Variants in CAMKMT observed in about 807,000 individuals in gnomAD.
The protein encoded by CAMKMT is calmodulin-lysine N-methyltransferase, also known as CaM KMT.
In CAMKMT, 53 loss-of-function variants were observed where a neutral mutation model predicts 48.0. The ratio of observed to expected loss-of-function variants is 1.10; its 90% CI spans 0.89 to 1.39. The LOEUF is 1.39. CAMKMT is among the 40% of genes most tolerant of loss of function. The pLI is 0.00. For missense variants in CAMKMT, 428 were observed against 402.7 expected (o/e 1.06, Z -0.54); for synonymous variants, 165 against 152.3 (o/e 1.08, Z -0.61).
At chr2:44,654,583 G>C (rs976834056) in intron 3 of CAMKMT, among the ~76,000 whole-genome samples, 1 of 152,108 alleles carries the variant, frequency 6.6e-6, no homozygotes, top group Non-Finnish European at 1.5e-5. Context: ...CATGATCTTG[G>C]CTCACTGCAA....
At chr2:44,711,594 G>A (rs1292807459) in intron 6 of CAMKMT, among the ~76,000 whole-genome samples, 1 of 152,174 alleles carries the variant, frequency 6.6e-6, no homozygotes, top group Non-Finnish European at 1.5e-5. Flanking sequence ...GGGATTACAG[G>A]CGTGAGCCAC....
chr2:44,630,551 G>GA (rs1286741164), intron 3 of CAMKMT, among the ~76,000 whole-genome samples: 5 of 150,906 alleles, frequency 3.3e-5, no homozygotes, highest in Non-Finnish European at 5.9e-5. Context: ...AATTTACAAG[G>GA]AAAAAACAAA....
At position 44,538,944 on chromosome 2, in the gene CAMKMT, TTCTGTGTGTGTG is replaced by T. The variant is rs1379302008; in HGVS notation, c.376+148653_376+148664del. Among the ~76,000 whole-genome samples, 44 of 138,538 alleles carry T rather than the reference TTCTGTGTGTGTG, an allele frequency of 3.2e-4. No homozygotes were observed. In the Admixed American group the frequency reaches 3.3e-3, roughly 10 times the overall value. The allele number at this position is 138,538 out of a possible 152,430, so 90.9% of individuals were successfully genotyped here. On this transcript the variant is annotated intron_variant, in intron 3 of 10. Coordinates refer to ENST00000378494, the MANE Select transcript of CAMKMT (RefSeq NM_024766.5). ...CATCTACACTTTTCTTTCTCTCTCTTTCTGTGTGTGTGTCTGTGTGTGTGTGTGTGTGTGTGT... is the reference window on the plus strand; with the variant it reads ...CATCTACACTTTTCTTTCTCTCTCTTTCTGTGTGTGTGTGTGTGTGTGTGT...
At chr2:44,538,948 GTGTGTGTGTC>G (rs979290443) in intron 3 of CAMKMT, among the ~76,000 whole-genome samples, 1 of 122,824 alleles carries the variant, frequency 8.1e-6, no homozygotes, top group Non-Finnish European at 1.6e-5. Context: ...CTCTCTTTCT[GTGTGTGTGTC>G]TGTGTGTGTG....
intron 3 of CAMKMT, among the ~76,000 whole-genome samples, chr2:44,592,256 T>A (rs147246770): frequency 1.1e-3 from 163 of 151,728 alleles, no homozygotes; most frequent in African/African-American, 3.6e-3. Context: ...TCATTTTTTT[T>A]ATGGGTACTG....
intron 3 of CAMKMT, among the ~76,000 whole-genome samples, chr2:44,494,023 A>T (rs1669638683): frequency 6.6e-6 from 1 of 152,224 alleles, no homozygotes; most frequent in South Asian, 2.1e-4. Flanking sequence ...TTTTATATAA[A>T]CTTCAAACAA....
intron 3 of CAMKMT, among the ~76,000 whole-genome samples, chr2:44,518,526 CTT>C (rs978419656): frequency 2.0e-5 from 3 of 152,186 alleles, no homozygotes; most frequent in Admixed American, 1.3e-4. Context: ...TAAAAATAGA[CTT>C]TTGAAAAATT....
intron 3 of CAMKMT, chr2:44,456,437 C>T: frequency 2.6e-6 from 3 of 1,172,074 alleles, no homozygotes; most frequent in Non-Finnish European, 3.5e-6. Context: ...GCCCTCTTAC[C>T]CTCTATTTCT....
chr2:44,701,930 T>G (rs535084469), intron 3 of CAMKMT, among the ~76,000 whole-genome samples: 1 of 152,302 alleles, frequency 6.6e-6, no homozygotes, highest in African/African-American at 2.4e-5. Flanking sequence ...GTCCAAAATG[T>G]TAACAGTGAT....
chr2:44,667,033 T>C (rs2104107671), intron 3 of CAMKMT, among the ~76,000 whole-genome samples: 1 of 152,332 alleles, frequency 6.6e-6, no homozygotes, highest in South Asian at 2.1e-4. Context: ...AATCTAAAGA[T>C]ATAGCCATAC....
intron 3 of CAMKMT, among the ~76,000 whole-genome samples, chr2:44,453,303 G>A (rs1041355010): frequency 5.3e-5 from 8 of 151,990 alleles, no homozygotes; most frequent in African/African-American, 1.9e-4. Context: ...TTGTACTAGT[G>A]AGTCATAAAT....
intron 2 of CAMKMT, among the ~76,000 whole-genome samples, chr2:44,380,614 C>A (rs1228505094): frequency 1.3e-5 from 2 of 152,284 alleles, no homozygotes; most frequent in East Asian, 3.9e-4. Context: ...AGTAACCAAA[C>A]TGAATCTTTG....
At chr2:44,367,749 A>G (rs938825754) in intron 1 of CAMKMT, among the ~76,000 whole-genome samples, 6 of 152,202 alleles carry the variant, frequency 3.9e-5, no homozygotes, top group Non-Finnish European at 7.4e-5. Flanking sequence ...TTTAAGCTGT[A>G]CTCGATGTTT....
intron 2 of CAMKMT, among the ~76,000 whole-genome samples, chr2:44,379,361 C>G (rs1186459574): frequency 4.6e-5 from 7 of 152,108 alleles, no homozygotes; most frequent in Non-Finnish European, 8.8e-5. Context: ...TGAATAATGC[C>G]ACTATGAATA....
intron 3 of CAMKMT, among the ~76,000 whole-genome samples, chr2:44,545,432 A>G (rs1468164681): frequency 6.6e-6 from 1 of 152,210 alleles, no homozygotes; most frequent in Admixed American, 6.5e-5. Context: ...GAGAACATCA[A>G]AATGAGTCAT....
chr2:44,568,286 T>G (rs1387190107), intron 3 of CAMKMT, among the ~76,000 whole-genome samples: 1 of 152,204 alleles, frequency 6.6e-6, no homozygotes, highest in South Asian at 2.1e-4. Flanking sequence ...GCTTGGAAAC[T>G]GTTACTCAAA....
intron 3 of CAMKMT, among the ~76,000 whole-genome samples, chr2:44,391,213 T>C (rs138786279): frequency 6.1e-4 from 93 of 152,326 alleles, no homozygotes; most frequent in African/African-American, 2.2e-3. Context: ...GACAACACTT[T>C]TGTTCTTATG....
At chr2:44,369,667 C>T (rs1355875978) in intron 1 of CAMKMT, 1 of 152,184 alleles carries the variant, frequency 6.6e-6, no homozygotes, top group African/African-American at 2.4e-5. Context: ...CAGGAAGCTG[C>T]TGTGCCATAA....
At chr2:44,612,693 T>C (rs758998318) in intron 3 of CAMKMT, among the ~76,000 whole-genome samples, 3 of 152,196 alleles carry the variant, frequency 2.0e-5, no homozygotes, top group Non-Finnish European at 2.9e-5. Flanking sequence ...ATTGGCCAAA[T>C]GCAGATGAAA....
Sources: gnomAD v4.1 joint callset for allele counts (sites outside exome capture counted in the v4.1 genomes callset) on GRCh38, gnomAD v4.1.1 for gene constraint, MANE v1.5 for transcripts, NCBI Gene and HGNC (gene_info 2026-07-23, HGNC 2026-07-21) for gene names.